The following PLCG2 variants were observed in gnomAD, a reference collection of about 807,000 sequenced individuals.
PLCG2 encodes phospholipase C gamma 2.
A neutral mutation model predicts 175.6 loss-of-function variants in PLCG2; 69 were observed. The observed-to-expected ratio is 0.39, with a 90% confidence interval of 0.32 to 0.48. The LOEUF (loss-of-function observed/expected upper bound fraction) is 0.48. PLCG2 is among the 20% of genes least tolerant of loss of function. The pLI, the probability that PLCG2 is intolerant of heterozygous loss-of-function variation, is 0.91. For synonymous variants in PLCG2, 827 were observed against 624.0 expected (o/e 1.33, Z -4.85); for missense variants, 1,798 against 1,650.9 (o/e 1.09, Z -1.54).
At chr16:81,817,189 A>C (rs4243217) in intron 2 of PLCG2, among the ~76,000 whole-genome samples, 1 of 152,268 alleles carries the variant, frequency 6.6e-6, no homozygotes, top group Admixed American at 6.5e-5. Context: ...GGGTGGTCAG[A>C]AAAGGCCTCT....
At chr16:81,787,165 A>G (rs1298947614) in intron 2 of PLCG2, among the ~76,000 whole-genome samples, 1 of 152,086 alleles carries the variant, frequency 6.6e-6, no homozygotes. Flanking sequence ...ATTTCATGCT[A>G]TTTCCAGGCT....
Position 81,960,541 on chromosome 16 carries a change from A to G in PLCG2, c.*2543A>G, listed in dbSNP as rs1036040759. 1 of 231,486 alleles carries G rather than the reference A, an allele frequency of 4.3e-6. No individual in the cohort carries two copies. The highest frequency in any genetic ancestry group is 2.2e-5 in the African/African-American group (1 of 45,244). The allele number at this position is 231,486 out of a possible 1,614,324, so 14.3% of individuals were successfully genotyped here. A position where few individuals can be genotyped will look rare whatever the true frequency, so the allele number is the denominator to read the frequency against. ...TGAGTTTGGGAAACTTAGGTTATAA[A>G]AACTAAATAAAGTTTTTCTACTGTG... On this transcript the variant is annotated 3_prime_UTR_variant, in exon 33 of 33. Transcript: ENST00000564138.
chr16:81,750,662 G>GTTTTTTTTTTTT (rs1567692941), intron 1 of PLCG2, among the ~76,000 whole-genome samples: 12 of 18,586 alleles, frequency 6.5e-4, no homozygotes, highest in Admixed American at 2.7e-3. Flanking sequence ...GGGGACTGGA[G>GTTTTTTTTTTTT]ATTTTTTTTT....
intron 2 of PLCG2, among the ~76,000 whole-genome samples, chr16:81,837,806 T>C (rs2143411803): frequency 6.6e-6 from 1 of 152,234 alleles, no homozygotes. Context: ...ATGTGAACGT[T>C]ACCCAATTAT....
intron 19 of PLCG2, 35 bp from the exon 20 acceptor site, chr16:81,919,449 C>G (rs954191258): frequency 2.5e-6 from 4 of 1,575,248 alleles, no homozygotes; most frequent in African/African-American, 2.7e-5. Flanking sequence ...CCACCAGGAT[C>G]TTGGCATGTC....
Position 81,763,539 on chromosome 16 carries a change from C to G in PLCG2, c.-48+7573C>G, listed in dbSNP as rs1290410576. Among the ~76,000 whole-genome samples the G allele has an allele frequency of 2.0e-5, 3 of 152,254 alleles. No homozygotes were observed. In the South Asian group the frequency reaches 6.2e-4, roughly 31 times the overall value. On this transcript the variant is annotated intron_variant, in intron 2 of 5. Coordinates refer to the PLCG2 transcript ENST00000565054. ...TTTACAGGTGAGGCTCCCCGGGCACCTCTCCAGCATGGTGAGGTCAGGGTA... is the reference window on the plus strand; with the variant it reads ...TTTACAGGTGAGGCTCCCCGGGCACGTCTCCAGCATGGTGAGGTCAGGGTA...
intron 1 of PLCG2, among the ~76,000 whole-genome samples, chr16:81,751,550 G>A (rs73604557): frequency 0.015 from 2,208 of 152,250 alleles, 45 homozygotes; most frequent in African/African-American, 0.049. Context: ...GAGACCTATT[G>A]TATGGCGTGG....
intron 1 of PLCG2, among the ~76,000 whole-genome samples, chr16:81,755,284 C>T (rs1452675009): frequency 6.6e-6 from 1 of 152,024 alleles, no homozygotes; most frequent in African/African-American, 2.4e-5. Flanking sequence ...GCAGCCTTGA[C>T]CTCCTGGGCT....
At chr16:81,792,935 A>G (rs1287763887) in intron 2 of PLCG2, among the ~76,000 whole-genome samples, 2 of 152,222 alleles carry the variant, frequency 1.3e-5, no homozygotes. Flanking sequence ...CTCAGTTTCC[A>G]TATCTGTCAA....
intron 7 of PLCG2, among the ~76,000 whole-genome samples, chr16:81,871,186 A>G (rs1215169163): frequency 1.3e-5 from 2 of 152,202 alleles, no homozygotes; most frequent in African/African-American, 2.4e-5. Flanking sequence ...GCGAATGGCC[A>G]TAAGTTTGAT....
At chr16:81,828,395 G>A (rs971339954) in intron 2 of PLCG2, among the ~76,000 whole-genome samples, 1 of 151,516 alleles carries the variant, frequency 6.6e-6, no homozygotes, top group African/African-American at 2.4e-5. Context: ...CTGCCACCAC[G>A]CCCGGCTAAT....
At chr16:81,822,879 C>T (rs1236998939) in intron 2 of PLCG2, among the ~76,000 whole-genome samples, 3 of 151,952 alleles carry the variant, frequency 2.0e-5, no homozygotes, top group Non-Finnish European at 4.4e-5. Context: ...AGAGGCCACA[C>T]GGCCACGATT....
At chr16:81,791,856 C>T (rs933866345) in intron 2 of PLCG2, among the ~76,000 whole-genome samples, 5 of 152,140 alleles carry the variant, frequency 3.3e-5, no homozygotes, top group African/African-American at 1.2e-4. Context: ...TGAACCACTG[C>T]ACCCAGCCTT....
At chr16:81,806,123 T>C (rs1048429406) in intron 2 of PLCG2, among the ~76,000 whole-genome samples, 5 of 146,970 alleles carry the variant, frequency 3.4e-5, no homozygotes, top group African/African-American at 1.2e-4. Context: ...CAAAATCCAG[T>C]GTGTGTTTTA....
At chr16:81,920,225 A>G (rs962803170) in intron 20 of PLCG2, among the ~76,000 whole-genome samples, 1 of 152,128 alleles carries the variant, frequency 6.6e-6, no homozygotes, top group Non-Finnish European at 1.5e-5. Flanking sequence ...GAGTCATTGG[A>G]GAGTTCTGGG....
At chr16:81,919,027 G>T (rs546195713) in intron 19 of PLCG2, among the ~76,000 whole-genome samples, 78 of 152,260 alleles carry the variant, frequency 5.1e-4, no homozygotes, top group African/African-American at 1.7e-3. Context: ...TTTAGGTTTT[G>T]CAGGCCATAT....
chr16:81,835,874 G>A (rs943963938), intron 2 of PLCG2, among the ~76,000 whole-genome samples: 6 of 151,978 alleles, frequency 3.9e-5, no homozygotes, highest in African/African-American at 1.5e-4. Flanking sequence ...GTGGATATTG[G>A]CACTCCCATC....
chr16:81,833,076 G>A (rs947256529), intron 2 of PLCG2, among the ~76,000 whole-genome samples: 3 of 152,184 alleles, frequency 2.0e-5, no homozygotes, highest in Admixed American at 1.3e-4. Context: ...TGTCTTGTGG[G>A]GACTTACAGC....
intron 31 of PLCG2, among the ~76,000 whole-genome samples, chr16:81,955,693 C>A (rs1211279169): frequency 6.6e-6 from 1 of 152,208 alleles, no homozygotes; most frequent in African/African-American, 2.4e-5. Context: ...ACCACACTTA[C>A]TCTTTCAGCT....
Sources: gnomAD v4.1 joint callset for allele counts (sites outside exome capture counted in the v4.1 genomes callset) on GRCh38, gnomAD v4.1.1 for gene constraint, MANE v1.5 for transcripts, NCBI Gene and HGNC (gene_info 2026-07-23, HGNC 2026-07-21) for gene names.